Variants in PTPRD observed in about 807,000 individuals in gnomAD.
The protein encoded by PTPRD is receptor-type tyrosine-protein phosphatase delta.
In PTPRD, 34 loss-of-function variants were observed where a neutral mutation model predicts 214.5. The ratio of observed to expected loss-of-function variants is 0.16; its 90% confidence interval spans 0.12 to 0.21. PTPRD has a LOEUF of 0.21. Ranked by LOEUF, PTPRD falls within the 10% of genes least tolerant of loss-of-function variation. The pLI is 1.00. For synonymous variants in PTPRD, 1,128 were observed against 845.7 expected, an observed-to-expected ratio of 1.33 and a Z score of -5.79; for missense variants, 2,545 against 2,398.7, an observed-to-expected ratio of 1.06 and a Z score of -1.27.
chr9:9,069,288 A>G (rs913339153), intron 10 of PTPRD, among the ~76,000 whole-genome samples: 2 of 152,224 alleles, frequency 1.3e-5, no homozygotes, highest in East Asian at 1.9e-4. Context: ...ATGCTTATTA[A>G]AAGAGCAGTA....
intron 14 of PTPRD, among the ~76,000 whole-genome samples, chr9:8,574,676 T>G (rs1325595224): frequency 6.6e-6 from 1 of 152,076 alleles, no homozygotes; most frequent in East Asian, 1.9e-4. Flanking sequence ...CATAGTTTCC[T>G]GTGGGTTCTT....
chr9:9,242,488 G>C (rs1375477468), intron 9 of PTPRD, among the ~76,000 whole-genome samples: 4 of 152,108 alleles, frequency 2.6e-5, no homozygotes, highest in Admixed American at 2.6e-4. Flanking sequence ...ACACCAATCA[G>C]ACGTAGATTT....
intron 3 of PTPRD, among the ~76,000 whole-genome samples, chr9:10,049,155 AC>A (rs1173439954): frequency 1.3e-5 from 2 of 152,170 alleles, no homozygotes; most frequent in Non-Finnish European, 2.9e-5. Flanking sequence ...AGACACTGAT[AC>A]CACTTCAATG....
At chr9:8,878,194 C>T (rs918925199) in intron 11 of PTPRD, among the ~76,000 whole-genome samples, 3 of 152,242 alleles carry the variant, frequency 2.0e-5, no homozygotes, top group Non-Finnish European at 2.9e-5. Context: ...TCTTAGTGTT[C>T]CCAGGAGCTT....
intron 10 of PTPRD, among the ~76,000 whole-genome samples, chr9:9,058,975 T>G (rs999142439): frequency 6.6e-6 from 1 of 152,086 alleles, no homozygotes; most frequent in Non-Finnish European, 1.5e-5. Context: ...AGAGGAGATT[T>G]GAAGGAATTT....
chr9:9,847,797 T>C (rs1265342349), intron 5 of PTPRD, among the ~76,000 whole-genome samples: 1 of 152,096 alleles, frequency 6.6e-6, no homozygotes, highest in Non-Finnish European at 1.5e-5. Context: ...CTGGTAGGGC[T>C]GTCGGTGGAG....
intron 8 of PTPRD, among the ~76,000 whole-genome samples, chr9:9,539,817 G>T (rs573698474): frequency 6.6e-6 from 1 of 151,786 alleles, no homozygotes; most frequent in Non-Finnish European, 1.5e-5. Flanking sequence ...TAAACTCTAA[G>T]CACATAAAGG....
chr9:10,185,410 T>C lies in PTPRD; in HGVS notation c.-544-151620A>G, dbSNP rs113730500. 4.6e-5 allele frequency among the ~76,000 whole-genome samples: 7 copies of C among 152,338 alleles called. 1 individual carries two copies. Among genetic ancestry groups the C allele is most frequent in the South Asian group, 2.1e-4 (1 of 4,834 alleles). ...TGTTTGCTTTGAGAAGTCTTGTCAC[T>C]ACTCTTGAAGAAAAGGGAGAAAGAA... On this transcript the variant is annotated intron_variant, in intron 3 of 45. Transcript: ENST00000381196.
At chr9:10,482,779 G>A (rs1237294745) in intron 2 of PTPRD, among the ~76,000 whole-genome samples, 4 of 152,042 alleles carry the variant, frequency 2.6e-5, no homozygotes, top group Non-Finnish European at 5.9e-5. Context: ...TCTCCAAGGG[G>A]AACTACAAAA....
At chr9:9,535,529 G>A (rs1431608740) in intron 8 of PTPRD, among the ~76,000 whole-genome samples, 2 of 152,060 alleles carry the variant, frequency 1.3e-5, no homozygotes, top group African/African-American at 2.4e-5. Flanking sequence ...AGAGGGGAGG[G>A]AGCTTTGAAA....
At chr9:9,172,510 A>C (rs1018642593) in intron 10 of PTPRD, among the ~76,000 whole-genome samples, 1 of 152,168 alleles carries the variant, frequency 6.6e-6, no homozygotes, top group African/African-American at 2.4e-5. Context: ...AAGCAGCATT[A>C]TCTCGGGCTC....
At chr9:9,860,870 C>T (rs1218348373) in intron 5 of PTPRD, among the ~76,000 whole-genome samples, 4 of 152,152 alleles carry the variant, frequency 2.6e-5, no homozygotes, top group South Asian at 2.1e-4. Flanking sequence ...TTTTCTTTAA[C>T]TAGCATCACA....
At chr9:8,657,007 CTT>C (rs1459832422) in intron 12 of PTPRD, among the ~76,000 whole-genome samples, 37 of 152,028 alleles carry the variant, frequency 2.4e-4, no homozygotes, top group Non-Finnish European at 4.4e-4. Context: ...GAAATATAAA[CTT>C]AATAATTACC....
intron 12 of PTPRD, among the ~76,000 whole-genome samples, chr9:8,677,969 T>G (rs1474864073): frequency 6.6e-6 from 1 of 152,120 alleles, no homozygotes; most frequent in African/African-American, 2.4e-5. Context: ...TGAGGCTCTT[T>G]GTGGGTGCAG....
At chr9:10,609,871 A>C (rs2080493064) in intron 2 of PTPRD, among the ~76,000 whole-genome samples, 1 of 152,144 alleles carries the variant, frequency 6.6e-6, no homozygotes, top group Non-Finnish European at 1.5e-5. Flanking sequence ...TAGGCTTGTA[A>C]ATTTTATGTT....
intron 11 of PTPRD, among the ~76,000 whole-genome samples, chr9:8,934,141 G>T (rs1588342591): frequency 6.6e-6 from 1 of 151,460 alleles, no homozygotes; most frequent in African/African-American, 2.4e-5. Flanking sequence ...GAGAGAAAGA[G>T]AGAATTGGTA....
chr9:10,188,903 G>C (rs1408347604), intron 3 of PTPRD, among the ~76,000 whole-genome samples: 2 of 152,142 alleles, frequency 1.3e-5, no homozygotes, highest in South Asian at 4.1e-4. Context: ...ATGATTCTGG[G>C]GGTTGGGAAT....
intron 5 of PTPRD, among the ~76,000 whole-genome samples, chr9:9,885,744 G>A (rs139457944): frequency 7.2e-4 from 109 of 152,124 alleles, no homozygotes; most frequent in African/African-American, 2.5e-3. Flanking sequence ...AGATCTTCTA[G>A]AAGGAAAATA....
intron 2 of PTPRD, among the ~76,000 whole-genome samples, chr9:10,495,768 T>C (rs552321675): frequency 2.0e-5 from 3 of 151,906 alleles, no homozygotes; most frequent in Admixed American, 2.0e-4. Flanking sequence ...TGATTGCTGG[T>C]ATGGAGCATT....
Sources: gnomAD v4.1 joint callset for allele counts (sites outside exome capture counted in the v4.1 genomes callset) on GRCh38, gnomAD v4.1.1 for gene constraint, MANE v1.5 for transcripts, NCBI Gene and HGNC (gene_info 2026-07-23, HGNC 2026-07-21) for gene names.